Variants in GLYATL1 observed in about 807,000 individuals in gnomAD.
GLYATL1 encodes glycine N-acyltransferase-like protein 1.
In GLYATL1, 15 loss-of-function variants were observed where a neutral mutation model predicts 20.0. The ratio of observed to expected loss-of-function variants is 0.75; its 90% CI spans 0.50 to 1.15. GLYATL1 has a LOEUF of 1.15. Among genes scored for constraint, GLYATL1 ranks in the 50% most tolerant of loss-of-function variants. The pLI, the probability that GLYATL1 is intolerant of heterozygous loss-of-function variation, is 0.00. For synonymous variants in GLYATL1, 151 were observed against 131.5 expected (o/e 1.15, Z -1.01); for missense variants, 380 against 368.5 (o/e 1.03, Z -0.26).
At position 58,956,151 on chromosome 11, in the gene GLYATL1, A is replaced by C; in HGVS notation, c.*124A>C. On this transcript the variant is annotated 3_prime_UTR_variant, in exon 7 of 7. Coordinates refer to ENST00000532726, the MANE Select transcript of GLYATL1 (RefSeq NM_001389712.2). ...TTATAATACAGCAGGAACTCTTCTC[A>C]CCTGGAGCCTTGATGTTAAAAGACA... 1.2e-6 allele frequency: 1 copy of C among 834,510 alleles called. No individual in the cohort carries two copies. The highest frequency in any genetic ancestry group is 1.9e-6 in the Non-Finnish European group (1 of 537,772). The allele number at this position is 834,510 out of a possible 1,614,324, so 51.7% of individuals were successfully genotyped here.
intron 1 of GLYATL1, among the ~76,000 whole-genome samples, chr11:58,919,361 T>C (rs887913586): frequency 5.9e-5 from 9 of 152,016 alleles, no homozygotes; most frequent in African/African-American, 2.2e-4. Context: ...CTCAGATGAG[T>C]TTCCTAACAA....
rs991512439 is a variant in GLYATL1, at chr11:58,931,608, A to G, written c.-212+3779A>G. Reference sequence around the variant, plus strand: ...ATTACATACTTGAATGGTAAAAGCAAACATTTGCAATTTTTAGAAAACAAC... The same window carrying G: ...ATTACATACTTGAATGGTAAAAGCAGACATTTGCAATTTTTAGAAAACAAC... On this transcript the variant is annotated intron_variant, in intron 1 of 7. Transcript: ENST00000317391. Among the ~76,000 whole-genome samples, 10 of 152,342 alleles carry G rather than the reference A, an allele frequency of 6.6e-5. No homozygotes were observed. The East Asian group carries it at 1.9e-3, about 29-fold the overall frequency.
At chr11:58,946,902 G>A (rs546699504) in intron 2 of GLYATL1, 144 bp from the exon 3 acceptor site, 1 of 692,148 alleles carries the variant, frequency 1.4e-6, no homozygotes, top group African/African-American at 1.8e-5. Flanking sequence ...AATTTACTTA[G>A]TCCCTCTGAG....
At chr11:58,941,346 C>T (rs1276048491) in intron 1 of GLYATL1, among the ~76,000 whole-genome samples, 1 of 151,902 alleles carries the variant, frequency 6.6e-6, no homozygotes, top group African/African-American at 2.4e-5. Context: ...TAGTTTCATC[C>T]ATGTCCCTAC....
upstream of GLYATL1, chr11:58,934,737 G>C (rs1357049975): frequency 6.5e-6 from 1 of 152,842 alleles, no homozygotes; most frequent in Non-Finnish European, 1.5e-5. Context: ...CTGGAGAGTG[G>C]GGTGGCAGAA....
downstream of GLYATL1, among the ~76,000 whole-genome samples, chr11:58,910,458 C>T (rs1250934574): frequency 6.6e-6 from 1 of 152,232 alleles, no homozygotes; most frequent in Admixed American, 6.5e-5. Context: ...GTGAATAATA[C>T]AAATTCTCAT....
At chr11:58,906,348 G>T (rs1357351306) in intron 1 of GLYATL1, among the ~76,000 whole-genome samples, 2 of 152,198 alleles carry the variant, frequency 1.3e-5, no homozygotes, top group Non-Finnish European at 2.9e-5. Context: ...TTTGACCCTG[G>T]TGGATCCTTT....
chr11:58,937,453 A>T (rs547491141), upstream of GLYATL1, among the ~76,000 whole-genome samples: 36 of 152,264 alleles, frequency 2.4e-4, no homozygotes, highest in South Asian at 3.7e-3. Flanking sequence ...ATTCCCCAAG[A>T]TTTGAGAGCA....
At position 58,943,597 on chromosome 11, in the gene GLYATL1, A is replaced by C; in HGVS notation, c.-112A>C. The C allele has an allele frequency of 6.2e-7, 1 of 1,613,632 alleles. No individual in the cohort carries two copies. The highest frequency in any genetic ancestry group is 8.5e-7 in the Non-Finnish European group (1 of 1,179,594). On this transcript the variant is annotated 5_prime_UTR_variant, in exon 2 of 7. Coordinates refer to ENST00000532726, the MANE Select transcript of GLYATL1 (RefSeq NM_001389712.2). Reference sequence around the variant, plus strand: ...GCTTCTAGTATCCCCAGGAGCGCGAAGTGAACACGGAAGGTACCTGCAGGA... The same window carrying C: ...GCTTCTAGTATCCCCAGGAGCGCGACGTGAACACGGAAGGTACCTGCAGGA...
chr11:58,945,147 G>A (rs1856475170), intron 2 of GLYATL1, among the ~76,000 whole-genome samples: 1 of 151,526 alleles, frequency 6.6e-6, no homozygotes, highest in South Asian at 2.1e-4. Flanking sequence ...AAAAGGCTCT[G>A]GAAATGGATA....
At chr11:58,912,924 A>C (rs943192787), downstream of GLYATL1, among the ~76,000 whole-genome samples, 1 of 152,246 alleles carries the variant, frequency 6.6e-6, no homozygotes, top group Non-Finnish European at 1.5e-5. Flanking sequence ...AGGTAAGAGA[A>C]AGTGGCAAGT....
chr11:58,929,938 C>A (rs1453930269), intron 1 of GLYATL1, among the ~76,000 whole-genome samples: 1 of 152,204 alleles, frequency 6.6e-6, no homozygotes. Context: ...TGGATCATTT[C>A]TTTGTGTTTC....
intron 1 of GLYATL1, among the ~76,000 whole-genome samples, chr11:58,907,011 G>C (rs1854907793): frequency 6.6e-6 from 1 of 152,258 alleles, no homozygotes; most frequent in Admixed American, 6.5e-5. Context: ...AACAATAAAA[G>C]GTTGATCTGA....
chr11:58,955,162 G>C lies in GLYATL1; in HGVS notation c.314-14G>C. 6.2e-7 allele frequency: 1 copy of C among 1,609,306 alleles called. No individual in the cohort carries two copies. Among genetic ancestry groups the C allele is most frequent in the Non-Finnish European group, 8.5e-7 (1 of 1,177,614 alleles). On this transcript the variant is annotated splice_polypyrimidine_tract_variant and intron_variant, in intron 5 of 6. Transcript: ENST00000532726. ...CCATGTCTGACAAGATTGCTTTCTT[G>C]GCTTTCTTCCCAGGTCTTCAAGAAA...
upstream of GLYATL1, among the ~76,000 whole-genome samples, chr11:58,924,894 G>A (rs1393274324): frequency 6.6e-6 from 1 of 152,218 alleles, no homozygotes; most frequent in African/African-American, 2.4e-5. Flanking sequence ...ACAAAAGGCA[G>A]ATTCAGAAGA....
At chr11:58,923,619 A>G (rs532550319), upstream of GLYATL1, among the ~76,000 whole-genome samples, 1 of 152,150 alleles carries the variant, frequency 6.6e-6, no homozygotes, top group African/African-American at 2.4e-5. Context: ...CTAGGAAGTG[A>G]GTGTGAATCA....
upstream of GLYATL1, chr11:58,935,314 C>T (rs560626083): frequency 6.6e-6 from 1 of 152,380 alleles, no homozygotes; most frequent in South Asian, 2.1e-4. Flanking sequence ...CTGAAGCAGG[C>T]TCTGCGTTGG....
intron 1 of GLYATL1, among the ~76,000 whole-genome samples, chr11:58,920,804 G>T (rs1211567195): frequency 6.6e-6 from 1 of 152,200 alleles, no homozygotes; most frequent in Admixed American, 6.5e-5. Flanking sequence ...CGGATTTTCA[G>T]TTGCTGCCAT....
Position 58,943,549 on chromosome 11 carries a change from T to C in GLYATL1, c.-160T>C, listed in dbSNP as rs1856334084. ...GAAGTTTTTCTTTTATCAGATGGTGTCACAAGAAGGATCTGAAGTGGAGCT... is the reference window on the plus strand; with the variant it reads ...GAAGTTTTTCTTTTATCAGATGGTGCCACAAGAAGGATCTGAAGTGGAGCT... On this transcript the variant is annotated 5_prime_UTR_variant, in exon 2 of 7. Coordinates refer to ENST00000532726, the MANE Select transcript of GLYATL1 (RefSeq NM_001389712.2). The C allele has an allele frequency of 6.2e-7, 1 of 1,611,752 alleles. No individual in the cohort carries two copies. Among genetic ancestry groups the C allele is most frequent in the Non-Finnish European group, 8.5e-7 (1 of 1,178,976 alleles).
Sources: gnomAD v4.1 joint callset for allele counts (sites outside exome capture counted in the v4.1 genomes callset) on GRCh38, gnomAD v4.1.1 for gene constraint, MANE v1.5 for transcripts, NCBI Gene and HGNC (gene_info 2026-07-23, HGNC 2026-07-21) for gene names.